Variants in ACAP2 observed in about 807,000 individuals in gnomAD.
The protein encoded by ACAP2 is arf-GAP with coiled-coil, ANK repeat and PH domain-containing protein 2.
ACAP2 carries 39 observed loss-of-function variants against 115.8 expected under a neutral mutation model. That is an observed-to-expected ratio of 0.34 (90% CI 0.26 to 0.44). ACAP2 has a LOEUF of 0.44. Among genes scored for constraint, ACAP2 ranks in the 20% least tolerant of loss-of-function variants. The pLI is 1.00. For missense variants in ACAP2, 662 were observed against 927.6 expected, an observed-to-expected ratio of 0.71 and a Z score of 3.72; for synonymous variants, 289 against 315.8, an observed-to-expected ratio of 0.92 and a Z score of 0.90.
intron 14 of ACAP2, 80 bp downstream of exon 14, chr3:195,301,886 G>A: frequency 6.8e-7 from 1 of 1,474,370 alleles, no homozygotes; most frequent in East Asian, 2.3e-5. Context: ...AGTGGAAAAG[G>A]GCAACTAACA....
chr3:195,327,243 G>A (rs539046771), intron 8 of ACAP2, among the ~76,000 whole-genome samples: 1 of 152,262 alleles, frequency 6.6e-6, no homozygotes, highest in African/African-American at 2.4e-5. Flanking sequence ...AGTGATACAC[G>A]TTCAATCCCT....
At chr3:195,325,332 T>G (rs1043682817) in intron 9 of ACAP2, 8 of 418,038 alleles carry the variant, frequency 1.9e-5, no homozygotes, top group Admixed American at 3.1e-5. Context: ...GCACCACTGT[T>G]TCTCCAATTG....
chr3:195,373,181 C>CA (rs1418137286), intron 4 of ACAP2, among the ~76,000 whole-genome samples: 1 of 151,596 alleles, frequency 6.6e-6, no homozygotes, highest in Non-Finnish European at 1.5e-5. Flanking sequence ...TCTGTAATTC[C>CA]AGCACTTGGT....
chr3:195,434,149 G>A (rs1715352057), intron 1 of ACAP2, among the ~76,000 whole-genome samples: 1 of 152,024 alleles, frequency 6.6e-6, no homozygotes, highest in Non-Finnish European at 1.5e-5. Flanking sequence ...GACTGATCTC[G>A]AACTCCTGGA....
intron 2 of ACAP2, among the ~76,000 whole-genome samples, chr3:195,387,097 G>T (rs1443849395): frequency 6.6e-6 from 1 of 152,154 alleles, no homozygotes; most frequent in Non-Finnish European, 1.5e-5. Context: ...CAGGAGGAAG[G>T]ACGGACTTGG....
At chr3:195,308,991 T>C (rs1560226903) in intron 10 of ACAP2, among the ~76,000 whole-genome samples, 154 bp from the exon 11 acceptor site, 1 of 118,934 alleles carries the variant, frequency 8.4e-6, no homozygotes, top group Non-Finnish European at 1.7e-5. Flanking sequence ...AAACTGATTC[T>C]AACATGGGAA....
At chr3:195,322,893 A>T (rs769014864) in intron 9 of ACAP2, among the ~76,000 whole-genome samples, 20 of 152,216 alleles carry the variant, frequency 1.3e-4, no homozygotes, top group Non-Finnish European at 2.9e-4. Flanking sequence ...ATTTTGTAGT[A>T]CTTAAAATGT....
At chr3:195,422,210 C>G (rs2791603) in intron 1 of ACAP2, among the ~76,000 whole-genome samples, 80,820 of 151,956 alleles carry the variant, frequency 0.53, 22,847 homozygotes, top group East Asian at 0.89. Flanking sequence ...GCTTCATATA[C>G]TCCTGTCCCT....
chr3:195,442,878 A>C lies in ACAP2; in HGVS notation c.-31T>G. On this transcript the variant is annotated 5_prime_UTR_variant, in exon 1 of 23. Transcript: ENST00000326793. ...CTCCGCCTCGCAGGCGGCGCTGGCA[A>C]AGCCGAGGGGGCCGCGGGAGCGGCC... 1.3e-6 allele frequency: 2 copies of C among 1,509,656 alleles called. No homozygotes were observed. Among genetic ancestry groups the C allele is most frequent in the Non-Finnish European group, 1.8e-6 (2 of 1,129,322 alleles). 93.5% of individuals were successfully genotyped at this position (1,509,656 alleles called of 1,614,324 possible).
At chr3:195,436,385 C>T (rs752240715) in intron 1 of ACAP2, among the ~76,000 whole-genome samples, 1 of 152,086 alleles carries the variant, frequency 6.6e-6, no homozygotes, top group Non-Finnish European at 1.5e-5. Flanking sequence ...CTGCCCACCT[C>T]AGCCTCCCAA....
intron 1 of ACAP2, among the ~76,000 whole-genome samples, chr3:195,419,714 T>C (rs1714017736): frequency 5.3e-5 from 8 of 152,214 alleles, no homozygotes. Context: ...TTACTCCATC[T>C]AAAATTTATT....
chr3:195,401,114 T>C (rs957417929), intron 1 of ACAP2, among the ~76,000 whole-genome samples: 1 of 152,150 alleles, frequency 6.6e-6, no homozygotes, highest in South Asian at 2.1e-4. Context: ...ATTATCCTTT[T>C]CAGGAATTGG....
chr3:195,395,972 TG>T (rs1711736859), intron 1 of ACAP2, among the ~76,000 whole-genome samples: 1 of 152,236 alleles, frequency 6.6e-6, no homozygotes, highest in East Asian at 1.9e-4. Context: ...GAAGAGAAGC[TG>T]GGTGTGGTGG....
chr3:195,303,606 T>C (rs1316761289), intron 13 of ACAP2, among the ~76,000 whole-genome samples: 6 of 151,658 alleles, frequency 4.0e-5, no homozygotes, highest in Admixed American at 3.3e-4. Context: ...AATACATACA[T>C]ACATACAAAC....
At chr3:195,364,876 A>C (rs142813558) in intron 4 of ACAP2, among the ~76,000 whole-genome samples, 55 of 152,324 alleles carry the variant, frequency 3.6e-4, no homozygotes, top group African/African-American at 1.3e-3. Flanking sequence ...GAAGCAACTT[A>C]AGTGTACATC....
intron 16 of ACAP2, 143 bp from the exon 17 acceptor site, chr3:195,296,035 A>G (rs993232189): frequency 1.6e-6 from 1 of 626,818 alleles, no homozygotes; most frequent in African/African-American, 1.9e-5. Context: ...CATTATACAT[A>G]TATATATTAT....
intron 1 of ACAP2, among the ~76,000 whole-genome samples, chr3:195,431,912 G>A (rs907426696): frequency 6.6e-6 from 1 of 152,038 alleles, no homozygotes; most frequent in Non-Finnish European, 1.5e-5. Context: ...GTATGAAGTC[G>A]TATCTCACCA....
intron 1 of ACAP2, among the ~76,000 whole-genome samples, chr3:195,439,689 C>T (rs1057139150): frequency 3.9e-5 from 6 of 151,940 alleles, no homozygotes; most frequent in African/African-American, 1.2e-4. Context: ...TACAGTGGCA[C>T]AACCTCAGCT....
In ACAP2 at chr3:195,316,893, ATTTTTTTTTTTTTTTTT is replaced by A. The variant is rs60184290; in HGVS notation, c.857+3791_857+3807del. On this transcript the variant is annotated intron_variant, in intron 10 of 22. Transcript: ENST00000326793. ...CACTGACTTTCAGAAATGTCAGTGA[ATTTTTTTTTTTTTTTTT>A]TTTTTTTTTTTTGAGACAAGAGTCT... 5.6e-5 allele frequency among the ~76,000 whole-genome samples: 3 copies of A among 53,886 alleles called. No homozygotes were observed. The East Asian group carries it at 2.2e-3, about 39-fold the overall frequency. 35.4% of individuals were successfully genotyped at this position (53,886 alleles called of 152,430 possible).
Sources: allele counts gnomAD v4.1 joint callset (sites outside exome capture counted in the v4.1 genomes callset), GRCh38; gene constraint gnomAD v4.1.1; transcripts MANE v1.5; gene names NCBI Gene and HGNC (gene_info 2026-07-23, HGNC 2026-07-21).